CNTN5: variants seen among roughly 807,000 people sequenced by gnomAD.
CNTN5 encodes contactin 5.
A neutral mutation model predicts 129.1 loss-of-function variants in CNTN5; 77 were observed. The ratio of observed to expected loss-of-function variants is 0.60; its 90% confidence interval spans 0.50 to 0.72. The LOEUF (loss-of-function observed/expected upper bound fraction) is 0.72. CNTN5 is among the 30% of genes least tolerant of loss of function. CNTN5 has a pLI of 0.00. For missense variants in CNTN5, 1,478 were observed against 1,328.8 expected, an observed-to-expected ratio of 1.11 and a Z score of -1.75; for synonymous variants, 509 against 465.6, an observed-to-expected ratio of 1.09 and a Z score of -1.20.
At chr11:99,492,570 T>G (rs1365174320) in intron 2 of CNTN5, among the ~76,000 whole-genome samples, 2 of 152,184 alleles carry the variant, frequency 1.3e-5, no homozygotes, top group Non-Finnish European at 2.9e-5. Flanking sequence ...ATTATTACTA[T>G]TAATTTTAAA....
At chr11:99,499,534 G>A (rs922666520) in intron 2 of CNTN5, among the ~76,000 whole-genome samples, 1 of 152,118 alleles carries the variant, frequency 6.6e-6, no homozygotes, top group Non-Finnish European at 1.5e-5. Flanking sequence ...AGAACCACGA[G>A]AAATCAATTT....
chr11:100,005,141 C>A (rs1940114456), intron 9 of CNTN5, among the ~76,000 whole-genome samples: 1 of 152,146 alleles, frequency 6.6e-6, no homozygotes, highest in Non-Finnish European at 1.5e-5. Context: ...TACCACAGCA[C>A]CTGGCACATA....
intron 1 of CNTN5, among the ~76,000 whole-genome samples, chr11:99,292,334 G>T (rs1159750094): frequency 6.6e-6 from 1 of 151,720 alleles, no homozygotes; most frequent in Non-Finnish European, 1.5e-5. Flanking sequence ...AATATGGTAG[G>T]TCAAAGTAAT....
intron 13 of CNTN5, among the ~76,000 whole-genome samples, chr11:100,093,643 G>C (rs1247393006): frequency 6.6e-6 from 1 of 151,920 alleles, no homozygotes; most frequent in Non-Finnish European, 1.5e-5. Context: ...AGCAAGCCAG[G>C]GTTCTCTAAT....
Position 99,678,252 on chromosome 11 carries a change from G to A in CNTN5, c.55+121983G>A, listed in dbSNP as rs193278263. 4.2e-3 allele frequency among the ~76,000 whole-genome samples: 644 copies of A among 152,122 alleles called. 8 individuals carry two copies. The highest frequency in any genetic ancestry group is 0.014 in the African/African-American group (573 of 41,524). On this transcript the variant is annotated intron_variant, in intron 3 of 24. Transcript: ENST00000524871. Reference sequence around the variant, plus strand: ...ACTTAACTACCTGGTTAAGTAGCAAGTAAGTTTTTTATAAAAGAAAAGAGA... The same window carrying A: ...ACTTAACTACCTGGTTAAGTAGCAAATAAGTTTTTTATAAAAGAAAAGAGA...
intron 3 of CNTN5, among the ~76,000 whole-genome samples, chr11:99,678,161 A>G (rs1418926066): frequency 1.3e-5 from 2 of 152,140 alleles, no homozygotes; most frequent in African/African-American, 4.8e-5. Flanking sequence ...CACACATTAT[A>G]AAAGTATTTT....
chr11:99,556,760 G>A (rs887790609), intron 3 of CNTN5, among the ~76,000 whole-genome samples: 1 of 150,278 alleles, frequency 6.7e-6, no homozygotes, highest in South Asian at 2.1e-4. Flanking sequence ...ATATAACACA[G>A]TATCTAAAGG....
chr11:99,916,102 A>G lies in CNTN5; in HGVS notation c.626A>G (p.Glu209Gly). The change falls in exon 7 of 25, where the codon GAA becomes GGA. Residue 209 changes from glutamate to glycine, a missense_variant. By Grantham distance (98) the Glu-to-Gly change is moderately conservative. Transcript: ENST00000524871. ...ACAAGAAGTGCAGTCTCTGTGAGGG[A>G]AGGCCAGGGTGTCGTTCTGATGTGC... The part of the protein sequence containing the change: ...GRTRSAVSVR[E>G]GQGVVLMCSP... 6.2e-7 allele frequency: 1 copy of G among 1,612,512 alleles called. No individual in the cohort carries two copies.
chr11:99,040,060 C>G (rs1863926597), intron 1 of CNTN5, among the ~76,000 whole-genome samples: 1 of 151,960 alleles, frequency 6.6e-6, no homozygotes, highest in Admixed American at 6.6e-5. Context: ...AATTACCTAG[C>G]AAATATTTGC....
chr11:99,962,944 T>C (rs9667314), intron 8 of CNTN5, among the ~76,000 whole-genome samples: 29,962 of 145,504 alleles, frequency 0.21, 3,837 homozygotes, highest in African/African-American at 0.33. Flanking sequence ...TTTTTGGCTG[T>C]ATAAATGTCT....
chr11:99,293,790 TA>T (rs1341660393), intron 1 of CNTN5, among the ~76,000 whole-genome samples: 1 of 152,076 alleles, frequency 6.6e-6, no homozygotes, highest in African/African-American at 2.4e-5. Context: ...TGATTTTATT[TA>T]TTTGGGTCTT....
At chr11:99,772,071 ATTT>A (rs5794020) in intron 3 of CNTN5, among the ~76,000 whole-genome samples, 19 of 148,660 alleles carry the variant, frequency 1.3e-4, no homozygotes, top group Admixed American at 2.7e-4. Flanking sequence ...CTTCTGAGGT[ATTT>A]TTTTTTTTTT....
chr11:100,135,176 GT>G (rs10652749), intron 13 of CNTN5, among the ~76,000 whole-genome samples: 5,920 of 126,952 alleles, frequency 0.047, 78 homozygotes, highest in African/African-American at 0.077. Context: ...ATATAAAAGT[GT>G]TTTTTTTTTT....
intron 1 of CNTN5, among the ~76,000 whole-genome samples, chr11:99,108,244 T>TA (rs1431059566): frequency 6.6e-6 from 1 of 152,182 alleles, no homozygotes; most frequent in East Asian, 1.9e-4. Context: ...AAAGACACTT[T>TA]AATGCTAAAG....
chr11:99,903,461 G>C (rs916279205), intron 6 of CNTN5, among the ~76,000 whole-genome samples: 8 of 152,066 alleles, frequency 5.3e-5, no homozygotes, highest in Non-Finnish European at 1.0e-4. Flanking sequence ...CAGTTATCAG[G>C]TTGAAAAGCA....
intron 1 of CNTN5, among the ~76,000 whole-genome samples, chr11:99,023,279 C>T (rs1320821521): frequency 6.6e-6 from 1 of 152,118 alleles, no homozygotes; most frequent in Non-Finnish European, 1.5e-5. Context: ...TCTTATGTGT[C>T]CAATTAAGTA....
intron 1 of CNTN5, among the ~76,000 whole-genome samples, chr11:99,247,219 GA>G (rs879398998): frequency 7.2e-5 from 11 of 152,002 alleles, no homozygotes; most frequent in Non-Finnish European, 1.0e-4. Context: ...TATAGATTTA[GA>G]AATTAAGATA....
intron 2 of CNTN5, among the ~76,000 whole-genome samples, chr11:99,364,166 A>G (rs1939302970): frequency 6.6e-6 from 1 of 151,872 alleles, no homozygotes; most frequent in African/African-American, 2.4e-5. Context: ...ATAAATTAAG[A>G]TTTTAATTCA....
At chr11:99,073,373 G>GTTTTTTTTTTTTTTTTT (rs1491116506) in intron 1 of CNTN5, among the ~76,000 whole-genome samples, 1 of 87,328 alleles carries the variant, frequency 1.1e-5, no homozygotes, top group Non-Finnish European at 2.5e-5. Context: ...TTTATGGTTT[G>GTTTTTTTTTTTTTTTTT]GTTTTTTTTT....
Sources: allele counts gnomAD v4.1 joint callset (sites outside exome capture counted in the v4.1 genomes callset), GRCh38; gene constraint gnomAD v4.1.1; transcripts MANE v1.5; gene names NCBI Gene and HGNC (gene_info 2026-07-23, HGNC 2026-07-21).